Variants in PTP4A1 observed in about 807,000 individuals in gnomAD.
PTP4A1 encodes protein tyrosine phosphatase 4A1.
PTP4A1 carries 9 observed loss-of-function variants against 20.5 expected under a neutral mutation model. The ratio of observed to expected loss-of-function variants is 0.44; its 90% confidence interval spans 0.26 to 0.77. PTP4A1 has a LOEUF of 0.77. Ranked by LOEUF, PTP4A1 falls within the 30% of genes least tolerant of loss-of-function variation. The probability of loss-of-function intolerance (pLI) is 0.19; values close to 1 mark genes in which losing one functional copy is unlikely to be tolerated. For synonymous variants in PTP4A1, 78 were observed against 67.4 expected (o/e 1.16, Z -0.77); for missense variants, 137 against 218.8 (o/e 0.63, Z 2.36).
upstream of PTP4A1, among the ~76,000 whole-genome samples, chr6:63,517,912 G>T (rs1223781559): frequency 6.6e-6 from 1 of 152,070 alleles, no homozygotes; most frequent in African/African-American, 2.4e-5. Flanking sequence ...CCAACACTTT[G>T]GGAGTCCAGG....
At chr6:63,552,854 G>T (rs1033117778) in intron 3 of PTP4A1, among the ~76,000 whole-genome samples, 1 of 152,102 alleles carries the variant, frequency 6.6e-6, no homozygotes, top group Non-Finnish European at 1.5e-5. Flanking sequence ...TAGATGTGTG[G>T]TATTATTTCT....
At chr6:63,547,592 G>C (rs1466423051) in intron 2 of PTP4A1, among the ~76,000 whole-genome samples, 13 of 140,958 alleles carry the variant, frequency 9.2e-5, no homozygotes, top group African/African-American at 3.5e-4. Flanking sequence ...TGCGAGCTCC[G>C]CCTCCCGGGT....
rs1000154491 is a variant in PTP4A1, at chr6:63,582,637, G to A, written c.*2463G>A. The stretch of plus-strand genomic sequence containing the variant: ...TACTTGGGTTTGGATACCCTTAGTG[G>A]GATGATGTAAATAGAGGCTAGCTAC... On this transcript the variant is annotated 3_prime_UTR_variant, in exon 6 of 6. Coordinates refer to ENST00000626021, the MANE Select transcript of PTP4A1 (RefSeq NM_003463.5). 6.6e-6 allele frequency: 1 copy of A among 152,232 alleles called. No homozygotes were observed. Among genetic ancestry groups the A allele is most frequent in the Non-Finnish European group, 1.5e-5 (1 of 68,032 alleles). The allele number at this position is 152,232 out of a possible 1,614,324, so 9.4% of individuals were successfully genotyped here. A position where few individuals can be genotyped will look rare whatever the true frequency, so the allele number is the denominator to read the frequency against.
At position 63,576,415 on chromosome 6, in the gene PTP4A1, CT is replaced by C. The variant is rs1450800987; in HGVS notation, c.-445-20del. ...TTGGAAAATAACTTATTCTCTCTTT[CT>C]GTCTTTTTCTTTTAAACAGCAATTC... On this transcript the variant is annotated intron_variant, in intron 1 of 5. Transcript: ENST00000626021. 1 of 399,270 alleles carries C rather than the reference CT, an allele frequency of 2.5e-6. No individual in the cohort carries two copies. The highest frequency in any genetic ancestry group is 3.6e-5 in the East Asian group (1 of 28,088). The allele number at this position is 399,270 out of a possible 1,614,324, so 24.7% of individuals were successfully genotyped here.
chr6:63,530,065 G>A (rs1775387267), intron 2 of PTP4A1, among the ~76,000 whole-genome samples: 1 of 151,908 alleles, frequency 6.6e-6, no homozygotes, highest in Non-Finnish European at 1.5e-5. Context: ...CTCGAGATAG[G>A]GCAAGGATAA....
intron 3 of PTP4A1, among the ~76,000 whole-genome samples, chr6:63,559,129 C>G (rs1352538301): frequency 6.6e-6 from 1 of 152,230 alleles, no homozygotes; most frequent in East Asian, 1.9e-4. Flanking sequence ...TGTCCATTAG[C>G]GGGAAATCAA....
chr6:63,563,238 T>G (rs1777043012), intron 3 of PTP4A1, among the ~76,000 whole-genome samples: 1 of 152,248 alleles, frequency 6.6e-6, no homozygotes, highest in Non-Finnish European at 1.5e-5. Context: ...TGTGATTCAC[T>G]GTCAGCAAAA....
intron 2 of PTP4A1, among the ~76,000 whole-genome samples, chr6:63,533,412 T>C (rs796348363): frequency 2.6e-4 from 40 of 152,248 alleles, no homozygotes; most frequent in African/African-American, 9.6e-4. Context: ...GAATATATCT[T>C]GTCATTAAAA....
intron 1 of PTP4A1, chr6:63,573,462 G>C (rs899387035): frequency 1.3e-5 from 2 of 152,168 alleles, no homozygotes; most frequent in Non-Finnish European, 2.9e-5. Context: ...GCCCGCGCCT[G>C]ACTGAAGGCG....
intron 1 of PTP4A1, among the ~76,000 whole-genome samples, chr6:63,522,485 G>A (rs749849871): frequency 6.6e-6 from 1 of 152,122 alleles, no homozygotes; most frequent in East Asian, 1.9e-4. Flanking sequence ...TATCACCCTC[G>A]CCAAGACTGT....
rs1167533907 is a variant in PTP4A1, at chr6:63,581,155, T to G, written c.*981T>G. On this transcript the variant is annotated 3_prime_UTR_variant, in exon 6 of 6. Transcript: ENST00000626021. Reference sequence around the variant, plus strand: ...TTTGAAAGTGTGATTTTTTTTTTCCTTCCCAACCTCTCTTGCAAAAAAAGA... The same window carrying G: ...TTTGAAAGTGTGATTTTTTTTTTCCGTCCCAACCTCTCTTGCAAAAAAAGA... The G allele has an allele frequency of 2.0e-5, 3 of 152,424 alleles. No individual in the cohort carries two copies. The highest frequency in any genetic ancestry group is 4.4e-5 in the Non-Finnish European group (3 of 67,994). The allele number at this position is 152,424 out of a possible 1,614,324, so 9.4% of individuals were successfully genotyped here.
chr6:63,527,167 C>G, intron 1 of PTP4A1, among the ~76,000 whole-genome samples: 1 of 152,118 alleles, frequency 6.6e-6, no homozygotes, highest in Admixed American at 6.6e-5. Context: ...GATTGCCTTT[C>G]TTCTACAGTG....
intron 2 of PTP4A1, among the ~76,000 whole-genome samples, chr6:63,539,467 G>A (rs1049113214): frequency 7.9e-5 from 12 of 152,146 alleles, no homozygotes; most frequent in African/African-American, 2.9e-4. Flanking sequence ...ACAAGGAACA[G>A]GAAATCTAAA....
chr6:63,579,016 C>A lies in PTP4A1; in HGVS notation c.317C>A (p.Ala106Glu). The change falls in exon 4 of 6, where the codon GCA becomes GAA. Residue 106 changes from alanine to glutamate, a missense_variant. Transcript: ENST00000626021. ...PGCCIAVHCV[A>E]GLGRAPVLVA... ...TGTTGTATTGCTGTTCATTGCGTTG[C>A]AGGCCTTGGGAGGTAAATGAATTTA... The A allele has an allele frequency of 6.3e-7, 1 of 1,595,910 alleles. No individual in the cohort carries two copies. Among genetic ancestry groups the A allele is most frequent in the Non-Finnish European group, 8.5e-7 (1 of 1,173,986 alleles).
intron 3 of PTP4A1, among the ~76,000 whole-genome samples, chr6:63,562,165 T>G (rs1561909772): frequency 1.3e-5 from 2 of 152,072 alleles, no homozygotes; most frequent in African/African-American, 4.8e-5. Context: ...TTACAATTAT[T>G]TATTTATCTT....
At chr6:63,516,872 G>C (rs754926318), upstream of PTP4A1, among the ~76,000 whole-genome samples, 46 of 152,306 alleles carry the variant, frequency 3.0e-4, no homozygotes, top group Admixed American at 5.9e-4. Flanking sequence ...GGTGACCTTG[G>C]AATTGGAAGC....
intron 2 of PTP4A1, among the ~76,000 whole-genome samples, chr6:63,533,037 T>A (rs1775541040): frequency 6.6e-6 from 1 of 152,182 alleles, no homozygotes; most frequent in South Asian, 2.1e-4. Flanking sequence ...GACAGAGGCA[T>A]CAAAATCTAT....
At position 63,545,460 on chromosome 6, in the gene PTP4A1, A is replaced by C. The variant is rs1296241755; in HGVS notation, c.-639-4840A>C. On this transcript the variant is annotated intron_variant, in intron 2 of 3. Transcript: ENST00000639568. ...GCTTGTCTCTACTAAAAATACAAAA[A>C]ATTAGCTGGGCGTGGTGGCACATGC... Among the ~76,000 whole-genome samples, 3 of 151,756 alleles carry C rather than the reference A, an allele frequency of 2.0e-5. No individual in the cohort carries two copies. The East Asian group carries it at 5.8e-4, about 29-fold the overall frequency.
At chr6:63,527,857 C>T (rs1581909390) in exon 2 of PTP4A1, 1 of 152,218 alleles carries the variant, frequency 6.6e-6, no homozygotes, top group African/African-American at 2.4e-5. Flanking sequence ...GAAAGGGTGA[C>T]TCATAATTCC....
Sources: gnomAD v4.1 joint callset for allele counts (sites outside exome capture counted in the v4.1 genomes callset) on GRCh38, gnomAD v4.1.1 for gene constraint, MANE v1.5 for transcripts, NCBI Gene and HGNC (gene_info 2026-07-23, HGNC 2026-07-21) for gene names.